The following INSR variants were observed in gnomAD, a reference collection of about 807,000 sequenced individuals.
INSR encodes the protein IR.
In INSR, 67 loss-of-function variants were observed where a neutral mutation model predicts 142.6. The ratio of observed to expected loss-of-function variants is 0.47; its 90% CI spans 0.39 to 0.58. INSR has a LOEUF of 0.58. Among genes scored for constraint, INSR ranks in the 20% least tolerant of loss-of-function variants. The pLI is 0.00. For synonymous variants in INSR, 756 were observed against 743.1 expected (o/e 1.02, Z -0.28); for missense variants, 1,248 against 1,833.2 (o/e 0.68, Z 5.83).
intron 1 of INSR, chr19:7,268,309 G>C: frequency 2.2e-6 from 1 of 450,010 alleles, no homozygotes; most frequent in Non-Finnish European, 2.9e-6. Context: ...AATGGGGCAA[G>C]GAAAGCTAAA....
In INSR at chr19:7,240,141, A is replaced by G. The variant is rs551868203; in HGVS notation, c.652+27204T>C. Among the ~76,000 whole-genome samples the G allele has an allele frequency of 1.2e-4, 19 of 152,358 alleles. No homozygotes were observed. In the South Asian group the frequency reaches 2.1e-3, roughly 17 times the overall value. On this transcript the variant is annotated intron_variant, in intron 2 of 21. Coordinates refer to ENST00000302850, the MANE Select transcript of INSR (RefSeq NM_000208.4). ...GGCTTCCTAAGGGATAGTACTACTT[A>G]GCTTCCCAATATATGCAGATATTTA...
At chr19:7,286,668 G>A (rs915969597) in intron 1 of INSR, among the ~76,000 whole-genome samples, 2 of 151,376 alleles carry the variant, frequency 1.3e-5, no homozygotes, top group African/African-American at 4.9e-5. Context: ...GGGATTACAG[G>A]TGTGAGCCAC....
chr19:7,233,668 C>CTTTTTTTTTTTTTTTTTTTTTTTTTTT (rs35763064), intron 2 of INSR, among the ~76,000 whole-genome samples: 2 of 72,408 alleles, frequency 2.8e-5, no homozygotes, highest in Non-Finnish European at 4.7e-5. Context: ...CTTTTTCTGT[C>CTTTTTTTTTTTTTTTTTTTTTTTTTTT]TTTTTTTTTT....
intron 2 of INSR, among the ~76,000 whole-genome samples, chr19:7,239,425 A>G (rs1278541115): frequency 6.6e-6 from 1 of 152,124 alleles, no homozygotes; most frequent in Admixed American, 6.6e-5. Flanking sequence ...TAGGATACCA[A>G]TTTCCATGCA....
Position 7,150,625 on chromosome 19 carries a change from T to A in INSR, c.2232-93A>T, listed in dbSNP as rs1973313429. The A allele has an allele frequency of 8.2e-7, 1 of 1,226,758 alleles. No homozygotes were observed. The highest frequency in any genetic ancestry group is 1.2e-5 in the South Asian group (1 of 81,262). The allele number at this position is 1,226,758 out of a possible 1,614,324, so 76.0% of individuals were successfully genotyped here. ...CACTTGGAGGCCACATGTGTCCGAG[T>A]AAGGGCACCCTGGCTTTGACCCTGG... On this transcript the variant is annotated intron_variant, in intron 10 of 21. Coordinates refer to ENST00000302850, the MANE Select transcript of INSR (RefSeq NM_000208.4). This position sits in a 1 kb window ranked among gnomAD's most constrained non-coding sequence, Gnocchi z 4.2.
At chr19:7,132,123 A>G (rs1568434377) in intron 14 of INSR, 35 bp downstream of exon 14, 1 of 1,613,662 alleles carries the variant, frequency 6.2e-7, no homozygotes, top group African/African-American at 1.3e-5. Context: ...TGCTAAGCAC[A>G]GCCCCAGTCA....
At position 7,208,380 on chromosome 19, in the gene INSR, A is replaced by G. The variant is rs182013381; in HGVS notation, c.653-23743T>C. Among the ~76,000 whole-genome samples the G allele has an allele frequency of 2.6e-5, 4 of 152,266 alleles. No individual in the cohort carries two copies. The East Asian group carries it at 5.8e-4, about 22-fold the overall frequency. ...CCGTGTATTATTCACAAAGAGTTCT[A>G]CAGGATACAAAGATAAAATTTAATG... On this transcript the variant is annotated intron_variant, in intron 2 of 21. Coordinates refer to ENST00000302850, the MANE Select transcript of INSR (RefSeq NM_000208.4).
chr19:7,181,541 C>T (rs1039555419), intron 3 of INSR, among the ~76,000 whole-genome samples: 3 of 150,266 alleles, frequency 2.0e-5, no homozygotes, highest in South Asian at 2.1e-4. Flanking sequence ...TACTTTGGAA[C>T]GACAGTAGAT....
chr19:7,250,081 A>G (rs1012984687), intron 2 of INSR, among the ~76,000 whole-genome samples: 2 of 151,844 alleles, frequency 1.3e-5, no homozygotes, highest in Admixed American at 6.6e-5. Flanking sequence ...ATGGCTTGAG[A>G]CCAGGAGTTC....
chr19:7,198,636 A>T (rs1205157209), intron 2 of INSR, among the ~76,000 whole-genome samples: 1 of 151,696 alleles, frequency 6.6e-6, no homozygotes, highest in Non-Finnish European at 1.5e-5. Context: ...AATTCCTCAC[A>T]TTGCAGGGGG....
At chr19:7,153,294 C>T (rs1384107182) in intron 9 of INSR, among the ~76,000 whole-genome samples, 3 of 1,396 alleles carry the variant, frequency 2.1e-3, no homozygotes, top group East Asian at 0.011. Context: ...CCACACACCG[C>T]ACACACACCA....
chr19:7,222,645 G>A (rs1012422075), intron 2 of INSR, among the ~76,000 whole-genome samples: 2 of 151,878 alleles, frequency 1.3e-5, no homozygotes, highest in African/African-American at 2.4e-5. Flanking sequence ...CTCCCACCTC[G>A]GCCTCCCAAA....
chr19:7,137,033 A>C (rs1972946237), intron 13 of INSR, among the ~76,000 whole-genome samples: 1 of 151,848 alleles, frequency 6.6e-6, no homozygotes, highest in African/African-American at 2.4e-5. Flanking sequence ...AAGTTTCACC[A>C]TGCTGGCCAG....
chr19:7,124,627 A>ATATATG (rs1972596969), intron 17 of INSR, among the ~76,000 whole-genome samples: 1 of 88,790 alleles, frequency 1.1e-5, no homozygotes, highest in Non-Finnish European at 2.2e-5. Flanking sequence ...ATATATATAT[A>ATATATG]TATATATATA....
Position 7,122,866 on chromosome 19 carries a change from C to T in INSR, c.3369+13G>A, listed in dbSNP as rs753641036. ...CCACCGAGTACCCCGCTGGGTCCCC[C>T]GAAGCAGCTTACCTCAGCCTCTGGC... is the stretch of plus-strand genomic sequence containing the variant. On this transcript the variant is annotated intron_variant, in intron 18 of 21. Transcript: ENST00000302850. The T allele has an allele frequency of 1.9e-5, 30 of 1,609,532 alleles. No individual in the cohort carries two copies. Among genetic ancestry groups the T allele is most frequent in the East Asian group, 4.5e-5 (2 of 44,728 alleles).
At chr19:7,253,038 C>A (rs1344035668) in intron 2 of INSR, among the ~76,000 whole-genome samples, 3 of 151,056 alleles carry the variant, frequency 2.0e-5, no homozygotes, top group East Asian at 4.0e-4. Flanking sequence ...TCCCTTGAAC[C>A]CGGGAGGCGG....
intron 2 of INSR, among the ~76,000 whole-genome samples, chr19:7,218,786 C>T (rs1975513278): frequency 6.6e-6 from 1 of 152,158 alleles, no homozygotes; most frequent in Non-Finnish European, 1.5e-5. Context: ...CCAGGTGATC[C>T]ACCTGCCTTG....
intron 2 of INSR, among the ~76,000 whole-genome samples, chr19:7,248,832 A>T (rs953914803): frequency 2.2e-5 from 3 of 133,900 alleles, no homozygotes; most frequent in Non-Finnish European, 4.6e-5. Context: ...ATCTTGGCTC[A>T]CTGCAAACTC....
At chr19:7,140,682 G>A (rs1477926772) in intron 13 of INSR, among the ~76,000 whole-genome samples, 1 of 151,802 alleles carries the variant, frequency 6.6e-6, no homozygotes, top group Admixed American at 6.6e-5. Context: ...TCTGAAATTG[G>A]AATGCATCTT....
Sources: gnomAD v4.1 joint callset for allele counts (sites outside exome capture counted in the v4.1 genomes callset) on GRCh38, gnomAD v4.1.1 for gene constraint, Gnocchi (gnomAD v3.1) non-coding constraint, MANE v1.5 for transcripts, NCBI Gene and HGNC (gene_info 2026-07-23, HGNC 2026-07-21) for gene names.